SLC18A1: variants seen among roughly 807,000 people sequenced by gnomAD.
SLC18A1 encodes chromaffin granule amine transporter.
SLC18A1 carries 69 observed loss-of-function variants against 53.7 expected under a neutral mutation model. That is an observed-to-expected ratio of 1.28 (90% confidence interval 1.06 to 1.57). The LOEUF is 1.57. SLC18A1 is among the 40% of genes most tolerant of loss of function. The pLI, the probability that SLC18A1 is intolerant of heterozygous loss-of-function variation, is 0.00. For missense variants in SLC18A1, 932 were observed against 668.1 expected (o/e 1.40, Z -4.35); for synonymous variants, 320 against 248.1 (o/e 1.29, Z -2.72).
intron 10 of SLC18A1, among the ~76,000 whole-genome samples, chr8:20,158,860 C>T (rs1323026489): frequency 7.2e-5 from 11 of 152,152 alleles, no homozygotes; most frequent in African/African-American, 2.7e-4. Flanking sequence ...CATCCTGACT[C>T]TCAATTCTTG....
Position 20,149,556 on chromosome 8 carries a change from T to A in SLC18A1, c.1146+120A>T, listed in dbSNP as rs1320684195. On this transcript the variant is annotated intron_variant, in intron 12 of 15. Coordinates refer to ENST00000276373, the MANE Select transcript of SLC18A1 (RefSeq NM_003053.4). The stretch of plus-strand genomic sequence containing the variant: ...TGCTCATCTTAAAGGAAATTAGTCT[T>A]TAAATGTCTGTGTCTTTCTCTCTCT... The A allele has an allele frequency of 5.2e-6, 4 of 776,330 alleles. No individual in the cohort carries two copies. In the African/African-American group the frequency reaches 7.0e-5, roughly 14 times the overall value. 48.1% of individuals were successfully genotyped at this position (776,330 alleles called of 1,614,324 possible).
At chr8:20,161,116 T>A (rs897764975) in intron 10 of SLC18A1, among the ~76,000 whole-genome samples, 4 of 152,200 alleles carry the variant, frequency 2.6e-5, no homozygotes, top group African/African-American at 7.2e-5. Context: ...GCAAAATGCA[T>A]TCAATCCATC....
At chr8:20,168,873 T>C (rs147972269) in intron 8 of SLC18A1, among the ~76,000 whole-genome samples, 517 of 152,318 alleles carry the variant, frequency 3.4e-3, no homozygotes, top group Non-Finnish European at 5.9e-3. Context: ...TTTGGATGAA[T>C]TGGTGAACTA....
chr8:20,178,291 C>G, intron 4 of SLC18A1, 144 bp downstream of exon 4: 2 of 650,818 alleles, frequency 3.1e-6, no homozygotes, highest in Non-Finnish European at 5.3e-6. Context: ...ATACCAAAAA[C>G]AGCAGAGCAT....
intron 8 of SLC18A1, among the ~76,000 whole-genome samples, chr8:20,167,033 T>C (rs757659182): frequency 5.9e-5 from 9 of 151,936 alleles, no homozygotes; most frequent in Non-Finnish European, 1.0e-4. Flanking sequence ...AAAATAAATA[T>C]GTGTTGTTTA....
chr8:20,179,024 T>G, intron 3 of SLC18A1, 97 bp downstream of exon 3: 1 of 1,411,652 alleles, frequency 7.1e-7, no homozygotes, highest in Non-Finnish European at 9.6e-7. Flanking sequence ...ATCATACAAG[T>G]GAGTATTTCT....
At chr8:20,167,777 C>T (rs553861190) in intron 8 of SLC18A1, among the ~76,000 whole-genome samples, 62 of 151,454 alleles carry the variant, frequency 4.1e-4, no homozygotes, top group East Asian at 3.3e-3. Context: ...CCCACCGCCA[C>T]GCCTGGCTCA....
At chr8:20,173,190 C>T (rs1255767885) in intron 5 of SLC18A1, 62 bp from the exon 6 acceptor site, 1 of 1,241,962 alleles carries the variant, frequency 8.1e-7, no homozygotes, top group Non-Finnish European at 1.1e-6. Flanking sequence ...CTCTCAGAGC[C>T]CTTGGTCCCA....
intron 6 of SLC18A1, 46 bp from the exon 7 acceptor site, chr8:20,171,540 C>G (rs1452599010): frequency 6.9e-7 from 1 of 1,448,044 alleles, no homozygotes; most frequent in African/African-American, 1.4e-5. Flanking sequence ...AGGGTGAGTC[C>G]TTTGCAGTGA....
In SLC18A1 at chr8:20,171,397, T is replaced by A; in HGVS notation, c.814+8A>T. On this transcript the variant is annotated splice_region_variant and intron_variant, in intron 7 of 15. Coordinates refer to ENST00000276373, the MANE Select transcript of SLC18A1 (RefSeq NM_003053.4). ...TGTCACCTGCTGGAGGCTCTGATGG[T>A]GACTTACCTCCATCCAGTAGTGCCA... is the stretch of plus-strand genomic sequence containing the variant. 4 of 1,610,638 alleles carry A rather than the reference T, an allele frequency of 2.5e-6. No homozygotes were observed. Among genetic ancestry groups the A allele is most frequent in the Non-Finnish European group, 3.4e-6 (4 of 1,176,958 alleles).
chr8:20,150,744 C>G lies in SLC18A1; in HGVS notation c.1016G>C (p.Gly339Ala), dbSNP rs773971258. The G allele has an allele frequency of 3.1e-6, 5 of 1,613,704 alleles. No individual in the cohort carries two copies. In the East Asian group the frequency reaches 6.7e-5, roughly 22 times the overall value. ...CACACTGGCAGGCAAGAAAGCTAGA[C>G]CTGTGGAAGGACACAGATCCTTACC... Reference protein sequence around the residue: ...QTMCSPKWQLGLAFLPASVSY... With the variant: ...QTMCSPKWQLALAFLPASVSY... The change falls in exon 11 of 16, where the codon GGT becomes GCT. Residue 339 changes from glycine to alanine, a missense_variant and splice_region_variant. Transcript: ENST00000276373.
chr8:20,165,357 C>G (rs1353817342), intron 8 of SLC18A1, among the ~76,000 whole-genome samples: 1 of 152,186 alleles, frequency 6.6e-6, no homozygotes, highest in South Asian at 2.1e-4. Context: ...GCAACATATT[C>G]CAGCCATGGT....
chr8:20,170,080 G>C lies in SLC18A1; in HGVS notation c.858+1023C>G, dbSNP rs148712044. Among the ~76,000 whole-genome samples, 834 of 152,226 alleles carry C rather than the reference G, an allele frequency of 5.5e-3. 13 individuals carry two copies. The highest frequency in any genetic ancestry group is 0.019 in the African/African-American group (807 of 41,516). On this transcript the variant is annotated intron_variant, in intron 8 of 15. Coordinates refer to ENST00000276373, the MANE Select transcript of SLC18A1 (RefSeq NM_003053.4). ...CTGGGAGCCTGTGCAGAGGGTATTT[G>C]GTGCTCCTTGCCCTGAGGAGTCCTG...
At chr8:20,151,708 G>A (rs935384058) in intron 10 of SLC18A1, among the ~76,000 whole-genome samples, 3 of 152,180 alleles carry the variant, frequency 2.0e-5, no homozygotes, top group East Asian at 1.9e-4. Flanking sequence ...GCCACACAAA[G>A]CTCCAAATTT....
At position 20,178,917 on chromosome 8, in the gene SLC18A1, C is replaced by G. The variant is rs1178096922; in HGVS notation, c.488+204G>C. ...GGTTCTCTTCTTGGTACTCAATACT[C>G]AATATATCACTAAGAAAATCTGATC... is the stretch of plus-strand genomic sequence containing the variant. On this transcript the variant is annotated intron_variant, in intron 3 of 15. Coordinates refer to ENST00000276373, the MANE Select transcript of SLC18A1 (RefSeq NM_003053.4). Among the ~76,000 whole-genome samples the G allele has an allele frequency of 5.3e-5, 8 of 152,306 alleles. No individual in the cohort carries two copies. In the East Asian group the frequency reaches 1.5e-3, roughly 29 times the overall value.
At position 20,180,932 on chromosome 8, in the gene SLC18A1, C is replaced by G; in HGVS notation, c.33G>C (p.Arg11=). Residue 11 remains arginine (R), a synonymous_variant, in exon 2 of 16, where the codon CGG becomes CGC. Transcript: ENST00000276373. ...GGGACGCTCTCCCCTCCTTCAGCAA[C>G]CGCTGGGGAGCATCCAGAATGGTCC... MLRTILDAPQ[R]LLKEGRASRQ... 1 of 1,600,502 alleles carries G rather than the reference C, an allele frequency of 6.2e-7. No individual in the cohort carries two copies. Among genetic ancestry groups the G allele is most frequent in the Non-Finnish European group, 8.5e-7 (1 of 1,173,592 alleles).
intron 10 of SLC18A1, among the ~76,000 whole-genome samples, chr8:20,157,147 T>C (rs2071703346): frequency 2.6e-5 from 4 of 152,200 alleles, no homozygotes; most frequent in Admixed American, 1.3e-4. Context: ...CTAGGACTAA[T>C]GCTCATCGGA....
At chr8:20,154,146 CT>C (rs1343397775) in intron 10 of SLC18A1, among the ~76,000 whole-genome samples, 4 of 152,198 alleles carry the variant, frequency 2.6e-5, no homozygotes, top group Admixed American at 6.5e-5. Flanking sequence ...AAATAAACCT[CT>C]TTTCTTTATA....
In SLC18A1 at chr8:20,155,753, C is replaced by A. The variant is rs565294097; in HGVS notation, c.1016-5009G>T. Reference sequence around the variant, plus strand: ...TCACTTCCTCTCCCAAGTATTAGAGCAAGTTGTATCTCCAAAGGGGATCTA... The same window carrying A: ...TCACTTCCTCTCCCAAGTATTAGAGAAAGTTGTATCTCCAAAGGGGATCTA... On this transcript the variant is annotated intron_variant, in intron 10 of 15. Transcript: ENST00000276373. 2.6e-5 allele frequency among the ~76,000 whole-genome samples: 4 copies of A among 152,288 alleles called. No individual in the cohort carries two copies. The East Asian group carries it at 7.7e-4, about 29-fold the overall frequency.
Sources: allele counts gnomAD v4.1 joint callset (sites outside exome capture counted in the v4.1 genomes callset), GRCh38; gene constraint gnomAD v4.1.1; transcripts MANE v1.5; gene names NCBI Gene and HGNC (gene_info 2026-07-23, HGNC 2026-07-21).